FGF14: variants seen among roughly 807,000 people sequenced by gnomAD.
FGF14 encodes the protein fibroblast growth factor 14.
FGF14 carries 5 observed loss-of-function variants against 25.5 expected under a neutral mutation model. That is an observed-to-expected ratio of 0.20 (90% CI 0.10 to 0.41). FGF14 has a LOEUF of 0.41. FGF14 is among the 10% of genes least tolerant of loss of function. FGF14 has a pLI of 1.00. For synonymous variants in FGF14, 138 were observed against 118.3 expected (o/e 1.17, Z -1.08); for missense variants, 222 against 320.1 (o/e 0.69, Z 2.34).
intron 3 of FGF14, among the ~76,000 whole-genome samples, chr13:101,785,006 C>A (rs1449206207): frequency 1.3e-5 from 2 of 152,148 alleles, no homozygotes; most frequent in Non-Finnish European, 2.9e-5. Context: ...TACTGTTCCA[C>A]ATGAAGAGGA....
chr13:102,286,650 G>A (rs79296401), intron 1 of FGF14, among the ~76,000 whole-genome samples: 2,088 of 152,206 alleles, frequency 0.014, 34 homozygotes, highest in African/African-American at 0.048. Flanking sequence ...TATTTGTGGT[G>A]CATAAGAAAA....
At chr13:102,084,642 G>GCC (rs2043803656) in intron 1 of FGF14, among the ~76,000 whole-genome samples, 1 of 150,390 alleles carries the variant, frequency 6.6e-6, no homozygotes, top group African/African-American at 2.5e-5. Flanking sequence ...ATTATACATT[G>GCC]TCAAAGGAAG....
Position 102,084,555 on chromosome 13 carries a change from A to G in FGF14, c.209-209259T>C, listed in dbSNP as rs2043798935. On this transcript the variant is annotated intron_variant, in intron 1 of 4. Transcript: ENST00000376131. ...ATTAAAATGATTAGCGTTATCTGCT[A>G]ATCATTTCAGGACAGAGCACACAAT... Among the ~76,000 whole-genome samples, 3 of 152,214 alleles carry G rather than the reference A, an allele frequency of 2.0e-5. No individual in the cohort carries two copies. The South Asian group carries it at 6.2e-4, about 31-fold the overall frequency.
In FGF14 at chr13:101,716,436, AGTT is replaced by A. The variant is rs1348934478; in HGVS notation, c.*6392_*6394del. The stretch of plus-strand genomic sequence containing the variant: ...AACATTTTAAATAAATAGTGACAGA[AGTT>A]GTTTATACTCTGTGTCAGTATATAT... On this transcript the variant is annotated 3_prime_UTR_variant, in exon 5 of 5. Transcript: ENST00000376143. The A allele has an allele frequency of 1.3e-5, 2 of 152,192 alleles. No homozygotes were observed. Among genetic ancestry groups the A allele is most frequent in the African/African-American group, 4.8e-5 (2 of 41,458 alleles). The allele number at this position is 152,192 out of a possible 1,614,324, so 9.4% of individuals were successfully genotyped here. A position where few individuals can be genotyped will look rare whatever the true frequency, so the allele number is the denominator to read the frequency against.
At chr13:101,879,372 T>C (rs1276281353) in intron 1 of FGF14, among the ~76,000 whole-genome samples, 3 of 152,146 alleles carry the variant, frequency 2.0e-5, no homozygotes, top group Non-Finnish European at 4.4e-5. Context: ...AGATGTTTCA[T>C]AATATATTAC....
rs2049433383 is a variant in FGF14 at position 102,197,843 on chromosome 13, AAC to A, written c.208+203626_208+203627del. ...AATTATTTCAGGGTCTCAGAATCAA[AAC>A]ACAGAAAAGCCTCACGGTACACAGT... On this transcript the variant is annotated intron_variant, in intron 1 of 4. Coordinates refer to the FGF14 transcript ENST00000376131. 2.0e-5 allele frequency among the ~76,000 whole-genome samples: 3 copies of A among 152,194 alleles called. No individual in the cohort carries two copies. In the South Asian group the frequency reaches 6.2e-4, roughly 32 times the overall value.
chr13:102,354,525 T>C (rs1006929457), intron 1 of FGF14, among the ~76,000 whole-genome samples: 1 of 152,124 alleles, frequency 6.6e-6, no homozygotes, highest in Non-Finnish European at 1.5e-5. Flanking sequence ...CTTACACATA[T>C]TGATTGATGT....
chr13:102,251,899 G>C (rs953670802), intron 1 of FGF14, among the ~76,000 whole-genome samples: 1 of 152,088 alleles, frequency 6.6e-6, no homozygotes, highest in African/African-American at 2.4e-5. Flanking sequence ...TGATAAATTT[G>C]AAATGAAATT....
At chr13:102,003,990 C>T (rs959522036) in intron 1 of FGF14, among the ~76,000 whole-genome samples, 6 of 152,082 alleles carry the variant, frequency 3.9e-5, no homozygotes, top group Non-Finnish European at 8.8e-5. Flanking sequence ...TTTCTCATAC[C>T]TCCCCAGAGA....
intron 1 of FGF14, among the ~76,000 whole-genome samples, chr13:102,167,061 G>A (rs1430305056): frequency 6.6e-6 from 1 of 152,094 alleles, no homozygotes; most frequent in Admixed American, 6.6e-5. Flanking sequence ...AGCACTTTGG[G>A]AGGCCGAGGC....
intron 3 of FGF14, chr13:101,779,018 G>C (rs1288900678): frequency 6.6e-6 from 1 of 152,164 alleles, no homozygotes; most frequent in Admixed American, 6.6e-5. Context: ...CCATTTTCAT[G>C]ATCATGCCAT....
intron 1 of FGF14, chr13:102,046,065 A>G (rs7337292): frequency 0.47 from 72,872 of 154,140 alleles, 17,898 homozygotes; most frequent in East Asian, 0.73. Flanking sequence ...GTCAAGATCT[A>G]TTCTAACTCC....
chr13:102,309,168 A>AC (rs746190593), intron 1 of FGF14, among the ~76,000 whole-genome samples: 3 of 150,366 alleles, frequency 2.0e-5, no homozygotes, highest in Admixed American at 6.6e-5. Context: ...ACACACACAC[A>AC]TCTCGCACAG....
intron 1 of FGF14, among the ~76,000 whole-genome samples, chr13:102,291,728 A>ACAGAGCT (rs1222363628): frequency 6.6e-6 from 1 of 152,100 alleles, no homozygotes; most frequent in Non-Finnish European, 1.5e-5. Context: ...GGAAAAAAAT[A>ACAGAGCT]CAGAGCTCAG....
At chr13:102,259,716 T>C (rs1347754049) in intron 1 of FGF14, among the ~76,000 whole-genome samples, 1 of 152,146 alleles carries the variant, frequency 6.6e-6, no homozygotes, top group Non-Finnish European at 1.5e-5. Flanking sequence ...GTTTTTTATA[T>C]GAATGAACGA....
chr13:102,107,264 T>C (rs1401854501), intron 1 of FGF14, among the ~76,000 whole-genome samples: 1 of 152,216 alleles, frequency 6.6e-6, no homozygotes, highest in Admixed American at 6.5e-5. Flanking sequence ...CCAAGTACTG[T>C]TGACAGGTTG....
chr13:102,188,153 T>C (rs1011858949), intron 1 of FGF14, among the ~76,000 whole-genome samples: 1 of 152,172 alleles, frequency 6.6e-6, no homozygotes, highest in African/African-American at 2.4e-5. Flanking sequence ...ATTTAAAACA[T>C]ATATTGGCTA....
chr13:102,215,033 A>G (rs1386891977), intron 1 of FGF14, among the ~76,000 whole-genome samples: 1 of 152,156 alleles, frequency 6.6e-6, no homozygotes, highest in African/African-American at 2.4e-5. Flanking sequence ...TGGGAACTGA[A>G]TGTCACCACC....
chr13:101,917,399 A>C (rs967397829), upstream of FGF14, among the ~76,000 whole-genome samples: 15 of 152,158 alleles, frequency 9.9e-5, no homozygotes, highest in African/African-American at 3.6e-4. Context: ...GAAAGCTAAG[A>C]TGGATTGCAG....
Sources: allele counts gnomAD v4.1 joint callset (sites outside exome capture counted in the v4.1 genomes callset), GRCh38; gene constraint gnomAD v4.1.1; transcripts MANE v1.5; gene names NCBI Gene and HGNC (gene_info 2026-07-23, HGNC 2026-07-21).